GALNTL6: variants seen among roughly 807,000 people sequenced by gnomAD.
GALNTL6 encodes the protein polypeptide N-acetylgalactosaminyltransferase like 6, also known as polypeptide N-acetylgalactosaminyltransferase-like 6.
A neutral mutation model predicts 73.7 loss-of-function variants in GALNTL6; 46 were observed. The observed-to-expected ratio is 0.62, with a 90% CI of 0.49 to 0.80. GALNTL6 has a LOEUF of 0.80. Among genes scored for constraint, GALNTL6 ranks in the 30% least tolerant of loss-of-function variants. The pLI, the probability that GALNTL6 is intolerant of heterozygous loss-of-function variation, is 0.00. For missense variants in GALNTL6, 604 were observed against 755.0 expected, an observed-to-expected ratio of 0.80 and a Z score of 2.34; for synonymous variants, 259 against 263.7, an observed-to-expected ratio of 0.98 and a Z score of 0.17.
chr4:172,259,753 A>G (rs1219634083), intron 3 of GALNTL6, among the ~76,000 whole-genome samples: 4 of 151,640 alleles, frequency 2.6e-5, no homozygotes, highest in Non-Finnish European at 5.9e-5. Flanking sequence ...CTTAGATTTA[A>G]GTCTTTGATC....
At chr4:172,515,396 C>A (rs72704846) in intron 5 of GALNTL6, among the ~76,000 whole-genome samples, 7 of 152,314 alleles carry the variant, frequency 4.6e-5, no homozygotes, top group Non-Finnish European at 7.3e-5. Context: ...CGCTCCTCTC[C>A]CTTGGGCTTG....
chr4:172,079,091 C>G (rs1001858916), intron 2 of GALNTL6, among the ~76,000 whole-genome samples: 17 of 151,972 alleles, frequency 1.1e-4, no homozygotes, highest in African/African-American at 3.9e-4. Context: ...ATGTTTTTAT[C>G]CATATCAAAG....
intron 12 of GALNTL6, among the ~76,000 whole-genome samples, chr4:173,039,110 A>C (rs1753804482): frequency 6.6e-6 from 1 of 152,232 alleles, no homozygotes; most frequent in South Asian, 2.1e-4. Flanking sequence ...GAGCTTGCTC[A>C]CTACTTAAAC....
At chr4:171,855,289 C>T (rs1281484704) in intron 2 of GALNTL6, among the ~76,000 whole-genome samples, 1 of 152,174 alleles carries the variant, frequency 6.6e-6, no homozygotes, top group Non-Finnish European at 1.5e-5. Flanking sequence ...ACTCCCTTCC[C>T]CCAAGCCCCA....
At chr4:172,739,486 T>G (rs932405906) in intron 5 of GALNTL6, among the ~76,000 whole-genome samples, 1 of 152,168 alleles carries the variant, frequency 6.6e-6, no homozygotes, top group African/African-American at 2.4e-5. Context: ...GGTTAGTGGG[T>G]GGGTTTTATT....
At chr4:172,841,820 G>C (rs555895831) in intron 7 of GALNTL6, among the ~76,000 whole-genome samples, 2 of 152,256 alleles carry the variant, frequency 1.3e-5, no homozygotes, top group South Asian at 2.1e-4. Context: ...AAGCCTGATC[G>C]TATCAACCCC....
intron 2 of GALNTL6, among the ~76,000 whole-genome samples, chr4:172,101,074 C>T (rs775135637): frequency 6.6e-6 from 1 of 152,112 alleles, no homozygotes; most frequent in African/African-American, 2.4e-5. Context: ...CATTCTAACC[C>T]ATCTTCCTGG....
At chr4:171,997,974 G>A (rs1375927581) in intron 2 of GALNTL6, among the ~76,000 whole-genome samples, 1 of 152,072 alleles carries the variant, frequency 6.6e-6, no homozygotes, top group Non-Finnish European at 1.5e-5. Flanking sequence ...TTTTAATTAT[G>A]TTTATATATC....
chr4:173,021,824 C>T (rs149184064), intron 12 of GALNTL6, among the ~76,000 whole-genome samples, 199 bp downstream of exon 12: 1 of 151,996 alleles, frequency 6.6e-6, no homozygotes, highest in East Asian at 1.9e-4. Context: ...GAAACCCCAT[C>T]TCTACTGAAA....
chr4:172,308,275 A>G (rs141927384), intron 3 of GALNTL6, among the ~76,000 whole-genome samples: 101 of 151,940 alleles, frequency 6.6e-4, no homozygotes, highest in African/African-American at 2.2e-3. Context: ...TTGGTGAACC[A>G]TGACAGTTTC....
intron 5 of GALNTL6, among the ~76,000 whole-genome samples, chr4:172,630,252 G>A (rs1206536625): frequency 6.6e-6 from 1 of 152,094 alleles, no homozygotes; most frequent in African/African-American, 2.4e-5. Context: ...AAAGTAAAAA[G>A]TAAAACCTTG....
intron 8 of GALNTL6, among the ~76,000 whole-genome samples, chr4:172,891,411 A>G (rs1746023537): frequency 6.6e-6 from 1 of 152,138 alleles, no homozygotes; most frequent in Admixed American, 6.6e-5. Context: ...TCACTTTTGA[A>G]GCTTAGCTTG....
intron 3 of GALNTL6, among the ~76,000 whole-genome samples, chr4:172,237,401 T>C (rs1245067220): frequency 6.6e-6 from 1 of 152,202 alleles, no homozygotes; most frequent in Non-Finnish European, 1.5e-5. Flanking sequence ...ATTTGAAAAG[T>C]GTTCATATCC....
chr4:171,833,169 T>C (rs906643207), intron 2 of GALNTL6, among the ~76,000 whole-genome samples: 2 of 151,762 alleles, frequency 1.3e-5, no homozygotes, highest in African/African-American at 4.8e-5. Flanking sequence ...AAAAGCAGCT[T>C]TCTTTTTTAT....
At chr4:172,066,306 G>T (rs1428673072) in intron 2 of GALNTL6, among the ~76,000 whole-genome samples, 4 of 152,054 alleles carry the variant, frequency 2.6e-5, no homozygotes, top group Non-Finnish European at 5.9e-5. Flanking sequence ...TATCTCCATA[G>T]TTTTGCTTTT....
intron 10 of GALNTL6, among the ~76,000 whole-genome samples, chr4:172,989,555 G>A (rs190356091): frequency 2.0e-5 from 3 of 152,280 alleles, no homozygotes; most frequent in African/African-American, 7.2e-5. Flanking sequence ...CCTGGTACAA[G>A]GTGATTGGAT....
At chr4:172,083,275 C>G (rs2110925231) in intron 2 of GALNTL6, among the ~76,000 whole-genome samples, 1 of 152,306 alleles carries the variant, frequency 6.6e-6, no homozygotes, top group South Asian at 2.1e-4. Flanking sequence ...TGCCCCACTT[C>G]AAGACAGTTC....
chr4:172,911,823 A>G (rs1747220657), intron 8 of GALNTL6, among the ~76,000 whole-genome samples: 1 of 152,152 alleles, frequency 6.6e-6, no homozygotes, highest in South Asian at 2.1e-4. Flanking sequence ...TCCTTCCTTT[A>G]TGTCTAATGG....
At chr4:172,666,434 A>T (rs1731670592) in intron 5 of GALNTL6, among the ~76,000 whole-genome samples, 1 of 152,156 alleles carries the variant, frequency 6.6e-6, no homozygotes, top group South Asian at 2.1e-4. Context: ...CTCATGCACA[A>T]ATGACTGAGA....
Sources: gnomAD v4.1 joint callset for allele counts (sites outside exome capture counted in the v4.1 genomes callset) on GRCh38, gnomAD v4.1.1 for gene constraint, MANE v1.5 for transcripts, NCBI Gene and HGNC (gene_info 2026-07-23, HGNC 2026-07-21) for gene names.